The following LRRCC1 variants were observed in gnomAD, a reference collection of about 807,000 sequenced individuals.
LRRCC1 encodes the protein leucine-rich repeat and coiled-coil domain-containing protein 1.
Under a neutral mutation model 126.0 loss-of-function variants are expected in LRRCC1, and 115 were observed. The ratio of observed to expected loss-of-function variants is 0.91; its 90% CI spans 0.78 to 1.07. The LOEUF (loss-of-function observed/expected upper bound fraction) is 1.07. Ranked by LOEUF, LRRCC1 falls within the 50% of genes least tolerant of loss-of-function variation. The pLI, the probability that LRRCC1 is intolerant of heterozygous loss-of-function variation, is 0.00. For missense variants in LRRCC1, 1,172 were observed against 1,175.7 expected (o/e 1.00, Z 0.05); for synonymous variants, 400 against 393.4 (o/e 1.02, Z -0.20).
rs1035711291 is a variant in LRRCC1 at position 85,130,134 on chromosome 8, TA to T, written c.1766+77del. The T allele has an allele frequency of 1.1e-5, 11 of 1,032,870 alleles. No homozygotes were observed. In the Admixed American group the frequency reaches 1.6e-4, roughly 15 times the overall value. 64.0% of individuals were successfully genotyped at this position (1,032,870 alleles called of 1,614,324 possible). Reference sequence around the variant, plus strand: ...AAAGCTACTGGTTCCCCACTACCAGTATTTTTTTTTTTTTTTTTTGAGACGG... The same window carrying T: ...AAAGCTACTGGTTCCCCACTACCAGTTTTTTTTTTTTTTTTTTTGAGACGG... On this transcript the variant is annotated intron_variant, in intron 11 of 18. Coordinates refer to ENST00000360375, the MANE Select transcript of LRRCC1 (RefSeq NM_033402.5).
Position 85,137,641 on chromosome 8 carries a change from T to A in LRRCC1, c.2493+14T>A, listed in dbSNP as rs1207964140. On this transcript the variant is annotated intron_variant, in intron 15 of 18. Transcript: ENST00000360375. ...AAATTAAAAGATGTAAGTTTGACAT[T>A]TTATTTTGGTTAAAGAGCAAATGGC... The A allele has an allele frequency of 2.1e-6, 3 of 1,415,662 alleles. No individual in the cohort carries two copies. The highest frequency in any genetic ancestry group is 5.3e-5 in the East Asian group (2 of 37,754). The allele number at this position is 1,415,662 out of a possible 1,614,324, so 87.7% of individuals were successfully genotyped here. A position where few individuals can be genotyped will look rare whatever the true frequency, so the allele number is the denominator to read the frequency against.
chr8:85,116,702 T>C (rs993724782), intron 6 of LRRCC1, among the ~76,000 whole-genome samples: 3 of 152,116 alleles, frequency 2.0e-5, no homozygotes, highest in Admixed American at 6.6e-5. Flanking sequence ...TAGTCAAAAT[T>C]TTTTCGCAAA....
intron 12 of LRRCC1, among the ~76,000 whole-genome samples, chr8:85,132,796 G>A (rs1013720386): frequency 6.6e-6 from 1 of 152,104 alleles, no homozygotes; most frequent in East Asian, 1.9e-4. Flanking sequence ...CTGCTATAGA[G>A]GAATAATTGT....
Position 85,141,400 on chromosome 8 carries a change from T to A in LRRCC1, c.2859T>A (p.Leu953=), listed in dbSNP as rs370967369. Reference sequence around the variant, plus strand: ...TTTTAAGGAATGCAATGGAAAAACTTCATAGTATGGATGATGCCTTTAAAA... The same window carrying A: ...TTTTAAGGAATGCAATGGAAAAACTACATAGTATGGATGATGCCTTTAAAA... ...IELQKNAMEK[L]HSMDDAFKRQ... The change falls in exon 18 of 19, where the codon CTT becomes CTA. Residue 953 remains leucine, a synonymous_variant. Transcript: ENST00000360375. 1.2e-6 allele frequency: 2 copies of A among 1,612,332 alleles called. No homozygotes were observed. The highest frequency in any genetic ancestry group is 1.7e-6 in the Non-Finnish European group (2 of 1,179,080).
Position 85,107,300 on chromosome 8 carries a change from A to AGGC in LRRCC1, c.17_19dup (p.Ala6dup), listed in dbSNP as rs762841704. 40 of 1,611,608 alleles carry AGGC rather than the reference A, an allele frequency of 2.5e-5. No individual in the cohort carries two copies. Among genetic ancestry groups the AGGC allele is most frequent in the South Asian group, 4.4e-5 (4 of 90,710 alleles). ...CCGCTCCCCGTCGCCAGTGCTATGG[A>AGGC]GGCGGCGGCGGCGGTGGTGGCGGCA... is the stretch of plus-strand genomic sequence containing the variant. On this transcript the variant is annotated inframe_insertion, in exon 1 of 19. Transcript: ENST00000360375.
At chr8:85,133,329 C>A (rs886562350) in intron 12 of LRRCC1, among the ~76,000 whole-genome samples, 1 of 152,158 alleles carries the variant, frequency 6.6e-6, no homozygotes, top group Non-Finnish European at 1.5e-5. Flanking sequence ...TACGTCACTT[C>A]TTTTCAGTCT....
Position 85,131,844 on chromosome 8 carries a change from G to C in LRRCC1, c.1851G>C (p.Lys617Asn). Residue 617 changes from lysine (K) to asparagine (N), a missense_variant, in exon 12 of 19, where the codon AAG (lysine) becomes AAC (asparagine). Coordinates refer to ENST00000360375, the MANE Select transcript of LRRCC1 (RefSeq NM_033402.5). ...AAGAAATAGCCAAAGAAGAGAAAAA[G>C]CATGAGCAAATGATAAAAGAATACC... ...LAKEIAKEEKKHEQMIKEYQE... is the reference protein window; with the variant it reads ...LAKEIAKEEKNHEQMIKEYQE... 1 of 1,613,778 alleles carries C rather than the reference G, an allele frequency of 6.2e-7. No homozygotes were observed. The highest frequency in any genetic ancestry group is 8.5e-7 in the Non-Finnish European group (1 of 1,179,866).
chr8:85,133,266 T>G (rs536425572), intron 12 of LRRCC1, among the ~76,000 whole-genome samples: 21 of 152,336 alleles, frequency 1.4e-4, no homozygotes, highest in Non-Finnish European at 2.2e-4. Flanking sequence ...TCCATACTCT[T>G]TCTTTGCTTG....
At position 85,134,159 on chromosome 8, in the gene LRRCC1, A is replaced by G. The variant is rs575630446; in HGVS notation, c.1969-688A>G. On this transcript the variant is annotated intron_variant, in intron 12 of 18. Coordinates refer to ENST00000360375, the MANE Select transcript of LRRCC1 (RefSeq NM_033402.5). ...TTATGCCAGTTAAAATTGAACCCAC[A>G]TCTCCCAACACTTCACACACTTCAC... Among the ~76,000 whole-genome samples the G allele has an allele frequency of 1.1e-3, 167 of 152,220 alleles. 1 individual carries two copies. The highest frequency in any genetic ancestry group is 3.8e-3 in the African/African-American group (158 of 41,528).
intron 6 of LRRCC1, among the ~76,000 whole-genome samples, chr8:85,119,278 A>G (rs779179044): frequency 1.3e-5 from 2 of 152,134 alleles, no homozygotes; most frequent in African/African-American, 4.8e-5. Flanking sequence ...TATAGGATCT[A>G]TAATGAAAAT....
chr8:85,123,676 T>C, intron 7 of LRRCC1, 70 bp downstream of exon 7: 1 of 1,152,804 alleles, frequency 8.7e-7, no homozygotes, highest in Non-Finnish European at 1.2e-6. Flanking sequence ...CTTGAAGCTA[T>C]CTCTTGGTGA....
intron 1 of LRRCC1, 22 bp from the exon 2 acceptor site, chr8:85,109,573 T>TA: frequency 7.4e-7 from 1 of 1,347,202 alleles, no homozygotes; most frequent in South Asian, 1.3e-5. Flanking sequence ...TCTATTTTTA[T>TA]AGTATATATT....
At chr8:85,130,977 C>G (rs1230245789) in intron 11 of LRRCC1, among the ~76,000 whole-genome samples, 1 of 152,206 alleles carries the variant, frequency 6.6e-6, no homozygotes, top group African/African-American at 2.4e-5. Flanking sequence ...ATAATTTCAA[C>G]ATTTTCAGTT....
At chr8:85,133,031 C>T (rs1810595949) in intron 12 of LRRCC1, among the ~76,000 whole-genome samples, 1 of 152,202 alleles carries the variant, frequency 6.6e-6, no homozygotes, top group Non-Finnish European at 1.5e-5. Flanking sequence ...TTCTCTGCTT[C>T]CATTTACAAC....
intron 17 of LRRCC1, among the ~76,000 whole-genome samples, chr8:85,140,985 G>A (rs949329757): frequency 6.6e-6 from 1 of 152,076 alleles, no homozygotes; most frequent in Non-Finnish European, 1.5e-5. Context: ...AGAATCACTT[G>A]AACCTGGGAG....
At chr8:85,131,674 G>A (rs1326003546) in intron 11 of LRRCC1, 86 bp from the exon 12 acceptor site, 1 of 987,434 alleles carries the variant, frequency 1.0e-6, no homozygotes, top group Admixed American at 2.6e-5. Flanking sequence ...ACTGAATATA[G>A]AATATTAAGA....
chr8:85,135,877 T>A lies in LRRCC1; in HGVS notation c.2243T>A (p.Leu748His). 6.2e-7 allele frequency: 1 copy of A among 1,608,886 alleles called. No individual in the cohort carries two copies. The highest frequency in any genetic ancestry group is 8.5e-7 in the Non-Finnish European group (1 of 1,177,176). ...IELLKHEKVQ[L>H]ISELAAKESL... ...CTTCTCAAGCACGAAAAAGTCCAGCTTATTTCTGAGCTAGCAGCCAAGGAA... is the reference window on the plus strand; with the variant it reads ...CTTCTCAAGCACGAAAAAGTCCAGCATATTTCTGAGCTAGCAGCCAAGGAA... Residue 748 changes from leucine (L) to histidine (H), a missense_variant, in exon 14 of 19, where the codon CTT becomes CAT. Leu to His is a moderately conservative substitution (Grantham distance 99). Coordinates refer to ENST00000360375, the MANE Select transcript of LRRCC1 (RefSeq NM_033402.5).
chr8:85,108,523 A>T (rs1037289816), intron 1 of LRRCC1: 1 of 152,222 alleles, frequency 6.6e-6, no homozygotes, highest in African/African-American at 2.4e-5. Flanking sequence ...ATCTCACATT[A>T]TCTGCACATT....
chr8:85,123,184 T>G (rs998283146), intron 6 of LRRCC1, among the ~76,000 whole-genome samples: 2 of 152,192 alleles, frequency 1.3e-5, no homozygotes, highest in African/African-American at 4.8e-5. Context: ...AGTTTTTATT[T>G]TTGTTTTGTT....
Sources: allele counts gnomAD v4.1 joint callset (sites outside exome capture counted in the v4.1 genomes callset), GRCh38; gene constraint gnomAD v4.1.1; transcripts MANE v1.5; gene names NCBI Gene and HGNC (gene_info 2026-07-23, HGNC 2026-07-21).